NFIB: variants seen among roughly 807,000 people sequenced by gnomAD.
NFIB encodes nuclear factor 1 B-type.
A neutral mutation model predicts 61.5 loss-of-function variants in NFIB; 11 were observed. The ratio of observed to expected loss-of-function variants is 0.18; its 90% CI spans 0.11 to 0.30. The LOEUF (loss-of-function observed/expected upper bound fraction) is 0.30, where lower values mean the gene tolerates loss of function less well. Ranked by LOEUF, NFIB falls within the 10% of genes least tolerant of loss-of-function variation. NFIB has a pLI of 1.00. For synonymous variants in NFIB, 260 were observed against 216.5 expected (o/e 1.20, Z -1.76); for missense variants, 471 against 608.9 (o/e 0.77, Z 2.38).
intron 2 of NFIB, among the ~76,000 whole-genome samples, chr9:14,183,500 T>C (rs1187692383): frequency 6.6e-6 from 1 of 151,400 alleles, no homozygotes; most frequent in Non-Finnish European, 1.5e-5. Context: ...ACCTCCTGGG[T>C]TCAAGCCATT....
upstream of NFIB, among the ~76,000 whole-genome samples, chr9:14,400,592 C>A (rs1049950032): frequency 6.6e-6 from 1 of 152,068 alleles, no homozygotes; most frequent in African/African-American, 2.4e-5. Flanking sequence ...AATAAACCAA[C>A]CAAAATCGAA....
intron 2 of NFIB, among the ~76,000 whole-genome samples, chr9:14,286,344 C>T (rs7038577): frequency 0.84 from 128,139 of 152,156 alleles, 54,384 homozygotes; most frequent in Non-Finnish European, 0.9. Flanking sequence ...TCCAGAAATA[C>T]ATCCTGACAC....
chr9:14,352,064 T>G (rs1445326075), intron 1 of NFIB, among the ~76,000 whole-genome samples: 1 of 152,146 alleles, frequency 6.6e-6, no homozygotes, highest in East Asian at 1.9e-4. Flanking sequence ...CCAGACCACG[T>G]ACCATGCCAG....
chr9:14,348,145 G>C (rs1420335550), intron 1 of NFIB, among the ~76,000 whole-genome samples: 1 of 152,238 alleles, frequency 6.6e-6, no homozygotes, highest in Admixed American at 6.5e-5. Flanking sequence ...GCGTGAGGCC[G>C]CCGCGGCCCA....
At chr9:14,518,741 A>G in the NFIB span, among the ~76,000 whole-genome samples, 2 of 152,094 alleles carry the variant, frequency 1.3e-5, no homozygotes, top group African/African-American at 4.8e-5. Context: ...CCTTGCCAGC[A>G]ATGGGAAAAT....
At chr9:14,467,735 G>A in the NFIB span, among the ~76,000 whole-genome samples, 1 of 152,260 alleles carries the variant, frequency 6.6e-6, no homozygotes, top group South Asian at 2.1e-4. Flanking sequence ...TGTTTTAGGT[G>A]CTTGAGATAC....
At chr9:14,100,885 T>C (rs948098403) in intron 10 of NFIB, among the ~76,000 whole-genome samples, 6 of 152,214 alleles carry the variant, frequency 3.9e-5, no homozygotes, top group Admixed American at 3.9e-4. Flanking sequence ...GTACACGTCA[T>C]CTGGTTTGCA....
At chr9:14,187,019 G>GTGTGTA (rs2047420580) in intron 2 of NFIB, among the ~76,000 whole-genome samples, 16 of 15,534 alleles carry the variant, frequency 1.0e-3, no homozygotes, top group Middle Eastern at 0.036. Context: ...GTGTGTGTGT[G>GTGTGTA]TGTGTGTATG....
intron 1 of NFIB, among the ~76,000 whole-genome samples, chr9:14,358,119 C>T (rs72700532): frequency 0.03 from 4,484 of 151,188 alleles, 115 homozygotes; most frequent in Non-Finnish European, 0.043. Flanking sequence ...TGCATTTTGC[C>T]CTTTAAATGG....
At chr9:14,099,958 GCTA>G (rs2035477693) in intron 10 of NFIB, among the ~76,000 whole-genome samples, 1 of 152,134 alleles carries the variant, frequency 6.6e-6, no homozygotes. Context: ...TGTAATCCCA[GCTA>G]CTCTGGTAGC....
the NFIB span, among the ~76,000 whole-genome samples, chr9:14,468,139 A>G: frequency 0.54 from 82,499 of 152,090 alleles, 22,601 homozygotes; most frequent in East Asian, 0.77. Context: ...AACCGATTTG[A>G]CAAAGCCACT....
At chr9:14,283,795 C>T (rs1474425103) in intron 2 of NFIB, among the ~76,000 whole-genome samples, 1 of 152,198 alleles carries the variant, frequency 6.6e-6, no homozygotes, top group Non-Finnish European at 1.5e-5. Flanking sequence ...GGAACAGTGT[C>T]TGTAGGACAA....
the NFIB span, among the ~76,000 whole-genome samples, chr9:14,471,808 C>G: frequency 6.6e-6 from 1 of 152,204 alleles, no homozygotes; most frequent in African/African-American, 2.4e-5. Flanking sequence ...ACAGAAACCA[C>G]AGTTATTTCC....
At chr9:14,263,056 C>A (rs76768128) in intron 2 of NFIB, among the ~76,000 whole-genome samples, 1 of 152,120 alleles carries the variant, frequency 6.6e-6, no homozygotes, top group Non-Finnish European at 1.5e-5. Context: ...CCAAGTACTG[C>A]GGCATGCACA....
chr9:14,297,042 A>C (rs913678870), intron 2 of NFIB, among the ~76,000 whole-genome samples: 1 of 152,196 alleles, frequency 6.6e-6, no homozygotes, highest in Non-Finnish European at 1.5e-5. Context: ...CTCCCTGCCC[A>C]CACACACACC....
intron 10 of NFIB, chr9:14,094,386 C>CT (rs1480025795): frequency 6.6e-6 from 1 of 151,968 alleles, no homozygotes; most frequent in African/African-American, 2.4e-5. Flanking sequence ...GCAGTATTTG[C>CT]TTTTGTCTTA....
At chr9:14,284,396 G>A (rs72700505) in intron 2 of NFIB, among the ~76,000 whole-genome samples, 159 of 152,232 alleles carry the variant, frequency 1.0e-3, no homozygotes, top group Non-Finnish European at 1.8e-3. Context: ...TATCTAAGAA[G>A]AAAATCAATC....
chr9:14,141,544 A>C (rs1015710849), intron 6 of NFIB, among the ~76,000 whole-genome samples: 2 of 152,186 alleles, frequency 1.3e-5, no homozygotes, highest in Non-Finnish European at 2.9e-5. Context: ...TTTTCTAAAT[A>C]GTAAAAGTTA....
chr9:14,405,855 C>CTATA, the NFIB span, among the ~76,000 whole-genome samples: 1 of 152,096 alleles, frequency 6.6e-6, no homozygotes, highest in African/African-American at 2.4e-5. Flanking sequence ...ACTTAGAAAG[C>CTATA]AAGAATATAA....
Sources: allele counts gnomAD v4.1 joint callset (sites outside exome capture counted in the v4.1 genomes callset), GRCh38; gene constraint gnomAD v4.1.1; transcripts MANE v1.5; gene names NCBI Gene and HGNC (gene_info 2026-07-23, HGNC 2026-07-21).